Variants in TIPIN observed in about 807,000 individuals in gnomAD.
TIPIN encodes the protein TIMELESS interacting protein.
In TIPIN, 29 loss-of-function variants were observed where a neutral mutation model predicts 35.6. That is an observed-to-expected ratio of 0.82 (90% CI 0.61 to 1.11). The LOEUF is 1.11. Among genes scored for constraint, TIPIN ranks in the 50% most tolerant of loss-of-function variants. The probability of loss-of-function intolerance (pLI) is 0.00; values close to 1 mark genes in which losing one functional copy is unlikely to be tolerated. For synonymous variants in TIPIN, 102 were observed against 121.5 expected, an observed-to-expected ratio of 0.84 and a Z score of 1.06; for missense variants, 296 against 345.4, an observed-to-expected ratio of 0.86 and a Z score of 1.13.
chr15:66,373,284 G>C (rs537657927), intron 1 of TIPIN, among the ~76,000 whole-genome samples: 4 of 152,278 alleles, frequency 2.6e-5, no homozygotes, highest in African/African-American at 9.6e-5. Flanking sequence ...ACGAGGTCAG[G>C]AGATTGAGAC....
rs977235261 is a variant in TIPIN at position 66,383,054 on chromosome 15, G to T, written c.-9+3553C>A. ...TCTTGGATCATGATAAGGGCTTAGG[G>T]TTTACTCAGTGGAGGCCAACCCAGC... On this transcript the variant is annotated intron_variant, in intron 1 of 7. Coordinates refer to the TIPIN transcript ENST00000562124. 2.9e-5 allele frequency: 28 copies of T among 953,534 alleles called. No homozygotes were observed. The East Asian group carries it at 3.0e-3, about 102-fold the overall frequency. 59.1% of individuals were successfully genotyped at this position (953,534 alleles called of 1,614,324 possible). A position where few individuals can be genotyped will look rare whatever the true frequency, so the allele number is the denominator to read the frequency against.
rs1401985293 is a variant in TIPIN at position 66,339,154 on chromosome 15, A to G, written c.683-1973T>C. On this transcript the variant is annotated intron_variant, in intron 7 of 7. Transcript: ENST00000261881. ...CTCAAAAAAAAAAAAAAAAAAAAAA[A>G]AAAGCAAAAAGAAAAAGTAAATTCA... Among the ~76,000 whole-genome samples, 94 of 52,158 alleles carry G rather than the reference A, an allele frequency of 1.8e-3. 24 individuals are homozygous for G. The highest frequency in any genetic ancestry group is 9.2e-3 in the African/African-American group (86 of 9,306). 34.2% of individuals were successfully genotyped at this position (52,158 alleles called of 152,430 possible). A position where few individuals can be genotyped will look rare whatever the true frequency, so the allele number is the denominator to read the frequency against.
In TIPIN at chr15:66,351,611, A is replaced by C. The variant is rs1362855486; in HGVS notation, c.213-11T>G. On this transcript the variant is annotated splice_polypyrimidine_tract_variant and intron_variant, in intron 3 of 7. Transcript: ENST00000261881. ...CTCTCTGAAATTAATCTGTGAATAA[A>C]AGTATGTTTTTAATTTCAAGTTTTA... 1.9e-6 allele frequency: 3 copies of C among 1,584,072 alleles called. No individual in the cohort carries two copies. Among genetic ancestry groups the C allele is most frequent in the Admixed American group, 1.8e-5 (1 of 54,326 alleles).
At chr15:66,337,284 A>G in intron 7 of TIPIN, 103 bp from the exon 8 acceptor site, 1 of 784,930 alleles carries the variant, frequency 1.3e-6, no homozygotes, top group Non-Finnish European at 2.0e-6. Context: ...AATGAAGTCT[A>G]AGATCACTTA....
At position 66,347,775 on chromosome 15, in the gene TIPIN, G is replaced by C. The variant is rs2093137024; in HGVS notation, c.475+1285C>G. Reference sequence around the variant, plus strand: ...ATTTTTGTATTTTCAGTACAGATGGGGTTTCCCCATGTTGGTCAGGCTGTT... The same window carrying C: ...ATTTTTGTATTTTCAGTACAGATGGCGTTTCCCCATGTTGGTCAGGCTGTT... On this transcript the variant is annotated intron_variant, in intron 6 of 7. Transcript: ENST00000261881. Among the ~76,000 whole-genome samples the C allele has an allele frequency of 2.6e-5, 4 of 151,994 alleles. No homozygotes were observed. In the South Asian group the frequency reaches 8.3e-4, roughly 32 times the overall value.
rs539787312 is a variant in TIPIN at position 66,383,020 on chromosome 15, A to T, written c.-9+3587T>A. On this transcript the variant is annotated intron_variant, in intron 1 of 7. Transcript: ENST00000562124. ...ACTTTAACCATTGGGGTAATTGTTTATCTGGGCTTCTTGGATCATGATAAG... is the reference window on the plus strand; with the variant it reads ...ACTTTAACCATTGGGGTAATTGTTTTTCTGGGCTTCTTGGATCATGATAAG... 1.0e-5 allele frequency: 10 copies of T among 985,244 alleles called. No individual in the cohort carries two copies. The South Asian group carries it at 4.7e-4, about 46-fold the overall frequency. The allele number at this position is 985,244 out of a possible 1,614,324, so 61.0% of individuals were successfully genotyped here. A position where few individuals can be genotyped will look rare whatever the true frequency, so the allele number is the denominator to read the frequency against.
intron 1 of TIPIN, among the ~76,000 whole-genome samples, chr15:66,367,214 C>CTATATCTATATCTATATCTATATCTA (rs1200387832): frequency 1.1e-4 from 16 of 150,476 alleles, no homozygotes; most frequent in East Asian, 1.9e-4. Context: ...ATATCTATAT[C>CTATATCTATATCTATATCTATATCTA]TATATCTATA....
At chr15:66,345,884 C>G (rs1415216530) in intron 6 of TIPIN, among the ~76,000 whole-genome samples, 1 of 151,848 alleles carries the variant, frequency 6.6e-6, no homozygotes, top group Non-Finnish European at 1.5e-5. Flanking sequence ...AGATTCAGTT[C>G]TCTTATTTGT....
rs151064931 is a variant in TIPIN at position 66,340,024 on chromosome 15, C to T, written c.682+1126G>A. On this transcript the variant is annotated intron_variant, in intron 7 of 7. Coordinates refer to ENST00000261881, the MANE Select transcript of TIPIN (RefSeq NM_017858.3). Reference sequence around the variant, plus strand: ...AGCTGGGTTTACAGGCAGGTACACACCACCATGCCCGGCAAATTTTTGTAT... The same window carrying T: ...AGCTGGGTTTACAGGCAGGTACACATCACCATGCCCGGCAAATTTTTGTAT... 3.2e-3 allele frequency among the ~76,000 whole-genome samples: 492 copies of T among 151,638 alleles called. 3 individuals are homozygous for T. The highest frequency in any genetic ancestry group is 0.011 in the African/African-American group (469 of 41,324).
intron 1 of TIPIN, among the ~76,000 whole-genome samples, chr15:66,371,549 T>C (rs1480221074): frequency 1.3e-5 from 2 of 151,710 alleles, no homozygotes; most frequent in Admixed American, 1.3e-4. Context: ...AGTCTCACTC[T>C]GTTGCCCAGG....
At chr15:66,357,935 G>A (rs754934865), upstream of TIPIN, among the ~76,000 whole-genome samples, 3 of 151,656 alleles carry the variant, frequency 2.0e-5, no homozygotes, top group African/African-American at 4.8e-5. Context: ...CGGCCTGGGC[G>A]ACGGAGCAAG....
intron 1 of TIPIN, chr15:66,371,282 A>T (rs2093276816): frequency 1.0e-6 from 1 of 984,878 alleles, no homozygotes; most frequent in Non-Finnish European, 1.2e-6. Context: ...CCTCCCCTCA[A>T]CTAATAAGGT....
At chr15:66,356,350 C>T (rs141063289) in intron 1 of TIPIN, among the ~76,000 whole-genome samples, 3 of 152,276 alleles carry the variant, frequency 2.0e-5, no homozygotes, top group East Asian at 3.9e-4. Flanking sequence ...TACATTGACA[C>T]GCCCCGGACA....
At chr15:66,346,195 G>A (rs551294432) in intron 6 of TIPIN, among the ~76,000 whole-genome samples, 14 of 151,296 alleles carry the variant, frequency 9.3e-5, no homozygotes, top group Non-Finnish European at 1.6e-4. Flanking sequence ...TGATCCGCCC[G>A]TCTTGGCCTC....
intron 1 of TIPIN, among the ~76,000 whole-genome samples, chr15:66,376,918 G>C (rs944291133): frequency 1.3e-5 from 2 of 151,440 alleles, no homozygotes; most frequent in African/African-American, 4.8e-5. Context: ...AGACCAACCT[G>C]GCCAAAATGG....
intron 7 of TIPIN, among the ~76,000 whole-genome samples, chr15:66,338,829 A>G (rs1260141463): frequency 6.8e-6 from 1 of 147,344 alleles, no homozygotes; most frequent in Non-Finnish European, 1.5e-5. Context: ...AAAAAAAAAA[A>G]AAAAAAGGAA....
At position 66,352,859 on chromosome 15, in the gene TIPIN, G is replaced by A. The variant is rs1167209794; in HGVS notation, c.89C>T (p.Ala30Val). 1 of 1,613,748 alleles carries A rather than the reference G, an allele frequency of 6.2e-7. No individual in the cohort carries two copies. Among genetic ancestry groups the A allele is most frequent in the Non-Finnish European group, 8.5e-7 (1 of 1,179,982 alleles). ...TTCACCATCTTGTCTCTCTGGAGAG[G>A]CTGGAGGTGGGAAAGGAGGAAAAGT... ...DETFPPFPPP[A>V]SPERQDGEGT... Residue 30 changes from alanine to valine, a missense_variant, in exon 2 of 8, where the codon GCC (alanine) becomes GTC (valine). By Grantham distance (64) the Ala-to-Val change is moderately conservative (BLOSUM62 0). Transcript: ENST00000261881.
chr15:66,359,154 AACACACACACACACACACAG>A (rs1400016371), upstream of TIPIN, among the ~76,000 whole-genome samples: 8 of 134,860 alleles, frequency 5.9e-5, no homozygotes, highest in Non-Finnish European at 1.1e-4. Context: ...CCTGTCTCAA[AACACACACACACACACACAG>A]ACACACACAC....
chr15:66,360,300 C>T (rs962601320), upstream of TIPIN, among the ~76,000 whole-genome samples: 6 of 151,960 alleles, frequency 3.9e-5, no homozygotes, highest in African/African-American at 7.2e-5. Context: ...AATGTTTCAC[C>T]CTTTCAGAAA....
Sources: allele counts gnomAD v4.1 joint callset (sites outside exome capture counted in the v4.1 genomes callset), GRCh38; gene constraint gnomAD v4.1.1; transcripts MANE v1.5; gene names NCBI Gene and HGNC (gene_info 2026-07-23, HGNC 2026-07-21).